The following SEMA5A variants were observed in gnomAD, a reference collection of about 807,000 sequenced individuals.
The protein encoded by SEMA5A is semaphorin-5A.
In SEMA5A, 55 loss-of-function variants were observed where a neutral mutation model predicts 135.5. The observed-to-expected ratio is 0.41, with a 90% CI of 0.33 to 0.51. The LOEUF (loss-of-function observed/expected upper bound fraction) is 0.51, where lower values mean the gene tolerates loss of function less well. Ranked by LOEUF, SEMA5A falls within the 20% of genes least tolerant of loss-of-function variation. The pLI, the probability that SEMA5A is intolerant of heterozygous loss-of-function variation, is 0.37. For synonymous variants in SEMA5A, 580 were observed against 546.5 expected, an observed-to-expected ratio of 1.06 and a Z score of -0.85; for missense variants, 1,290 against 1,419.9, an observed-to-expected ratio of 0.91 and a Z score of 1.47.
chr5:9,214,945 T>C (rs1212718171), intron 8 of SEMA5A, among the ~76,000 whole-genome samples: 4 of 152,218 alleles, frequency 2.6e-5, no homozygotes, highest in African/African-American at 9.7e-5. Context: ...TCTTGCATTC[T>C]TGAGACTTGC....
chr5:9,225,409 A>AAG (rs1747245493), intron 7 of SEMA5A, among the ~76,000 whole-genome samples: 1 of 149,022 alleles, frequency 6.7e-6, no homozygotes, highest in Non-Finnish European at 1.5e-5. Flanking sequence ...AAAAAAAAAA[A>AAG]AAAAAAAAAA....
At chr5:9,495,543 C>A (rs1482129426) in intron 1 of SEMA5A, among the ~76,000 whole-genome samples, 2 of 152,086 alleles carry the variant, frequency 1.3e-5, no homozygotes, top group Non-Finnish European at 2.9e-5. Flanking sequence ...CTGTAGCAAG[C>A]CCTCGAATAT....
At chr5:9,149,498 G>A (rs1402398437) in intron 12 of SEMA5A, among the ~76,000 whole-genome samples, 1 of 152,150 alleles carries the variant, frequency 6.6e-6, no homozygotes, top group African/African-American at 2.4e-5. Context: ...ACAAAACTTA[G>A]CCAGACCTGG....
intron 4 of SEMA5A, among the ~76,000 whole-genome samples, chr5:9,330,061 A>G (rs533183522): frequency 6.6e-6 from 1 of 152,174 alleles, no homozygotes; most frequent in East Asian, 1.9e-4. Flanking sequence ...GACCAACTGT[A>G]TGTACTTACT....
intron 1 of SEMA5A, among the ~76,000 whole-genome samples, chr5:9,491,412 C>T (rs767533062): frequency 6.6e-6 from 1 of 152,064 alleles, no homozygotes; most frequent in South Asian, 2.1e-4. Context: ...TAATGATGTG[C>T]CAATGTAGGT....
At chr5:9,354,548 T>A (rs1314680186) in intron 3 of SEMA5A, among the ~76,000 whole-genome samples, 1 of 152,168 alleles carries the variant, frequency 6.6e-6, no homozygotes, top group Non-Finnish European at 1.5e-5. Context: ...CCCAGGCACG[T>A]GACAGCTGTT....
intron 2 of SEMA5A, among the ~76,000 whole-genome samples, chr5:9,383,094 A>T (rs1755686086): frequency 6.6e-6 from 1 of 152,222 alleles, no homozygotes; most frequent in African/African-American, 2.4e-5. Flanking sequence ...ACTGTAATGG[A>T]CAATGGATGA....
chr5:9,299,970 C>T (rs1338174384), intron 5 of SEMA5A, among the ~76,000 whole-genome samples: 1 of 152,064 alleles, frequency 6.6e-6, no homozygotes, highest in Non-Finnish European at 1.5e-5. Context: ...TATTACAGTA[C>T]TGAAATGACA....
intron 11 of SEMA5A, among the ~76,000 whole-genome samples, chr5:9,182,236 G>T (rs62343370): frequency 0.099 from 14,755 of 149,164 alleles, 1,203 homozygotes; most frequent in African/African-American, 0.2. Flanking sequence ...GTGAATTTTG[G>T]CACAAAAACT....
chr5:9,510,937 G>A (rs1408425360), intron 1 of SEMA5A, among the ~76,000 whole-genome samples: 1 of 152,082 alleles, frequency 6.6e-6, no homozygotes, highest in Non-Finnish European at 1.5e-5. Flanking sequence ...TGGTCCATTC[G>A]GCCTGCCATG....
chr5:9,105,389 G>A (rs996142218), intron 16 of SEMA5A, among the ~76,000 whole-genome samples: 7 of 152,184 alleles, frequency 4.6e-5, no homozygotes, highest in Admixed American at 3.9e-4. Context: ...TTTTCTAACC[G>A]ATGCATACTT....
chr5:9,106,618 G>A, intron 16 of SEMA5A, among the ~76,000 whole-genome samples: 1 of 152,140 alleles, frequency 6.6e-6, no homozygotes, highest in East Asian at 1.9e-4. Flanking sequence ...ACCTCAGGGG[G>A]CACACATCAT....
At chr5:9,209,665 T>C (rs775061398) in intron 8 of SEMA5A, among the ~76,000 whole-genome samples, 1 of 152,236 alleles carries the variant, frequency 6.6e-6, no homozygotes, top group Non-Finnish European at 1.5e-5. Flanking sequence ...ATGATGGCTC[T>C]GGCTTTGTCT....
intron 3 of SEMA5A, among the ~76,000 whole-genome samples, chr5:9,353,304 G>T: frequency 1.0e-5 from 1 of 98,866 alleles, no homozygotes; most frequent in South Asian, 4.3e-4. Context: ...GAAGGGAAGG[G>T]AAGGGAAGGG....
intron 1 of SEMA5A, among the ~76,000 whole-genome samples, chr5:9,500,622 CAGG>C (rs1231861234): frequency 6.6e-6 from 1 of 152,172 alleles, no homozygotes; most frequent in Non-Finnish European, 1.5e-5. Context: ...GGATAAAATA[CAGG>C]ACACCCAGTT....
chr5:9,441,184 A>ATATGATT (rs1429488402), intron 1 of SEMA5A, among the ~76,000 whole-genome samples: 2 of 152,224 alleles, frequency 1.3e-5, no homozygotes, highest in African/African-American at 4.8e-5. Context: ...GGAGCTGTCT[A>ATATGATT]TATGATTTTT....
At chr5:9,087,636 TAA>T (rs1738772257) in intron 16 of SEMA5A, among the ~76,000 whole-genome samples, 1 of 152,038 alleles carries the variant, frequency 6.6e-6, no homozygotes, top group African/African-American at 2.4e-5. Flanking sequence ...CTTATCACTA[TAA>T]ACACACACAC....
intron 2 of SEMA5A, among the ~76,000 whole-genome samples, chr5:9,397,909 C>T (rs1756473516): frequency 6.6e-6 from 1 of 152,134 alleles, no homozygotes; most frequent in Admixed American, 6.5e-5. Context: ...ATACCAAATT[C>T]TCAAATCACC....
intron 1 of SEMA5A, among the ~76,000 whole-genome samples, chr5:9,440,571 T>C (rs925018883): frequency 6.6e-6 from 1 of 152,240 alleles, no homozygotes; most frequent in African/African-American, 2.4e-5. Context: ...CAGAACTATC[T>C]TGACGACACT....
Sources: allele counts gnomAD v4.1 joint callset (sites outside exome capture counted in the v4.1 genomes callset), GRCh38; gene constraint gnomAD v4.1.1; transcripts MANE v1.5; gene names NCBI Gene and HGNC (gene_info 2026-07-23, HGNC 2026-07-21).